PRKCH: variants seen among roughly 807,000 people sequenced by gnomAD.
The protein encoded by PRKCH is protein kinase C eta type.
PRKCH carries 28 observed loss-of-function variants against 82.5 expected under a neutral mutation model. The ratio of observed to expected loss-of-function variants is 0.34; its 90% CI spans 0.25 to 0.47. PRKCH has a LOEUF of 0.47. Among genes scored for constraint, PRKCH ranks in the 20% least tolerant of loss-of-function variants. PRKCH has a pLI of 1.00. For missense variants in PRKCH, 705 were observed against 881.8 expected (o/e 0.80, Z 2.54); for synonymous variants, 322 against 327.4 (o/e 0.98, Z 0.18).
intron 4 of PRKCH, among the ~76,000 whole-genome samples, chr14:61,446,043 T>A (rs1295104008): frequency 6.6e-6 from 1 of 152,224 alleles, no homozygotes; most frequent in African/African-American, 2.4e-5. Flanking sequence ...ATTTTGAAGA[T>A]AAACTTTTGT....
At chr14:61,296,749 T>C (rs902710377) in intron 1 of PRKCH, among the ~76,000 whole-genome samples, 1 of 152,202 alleles carries the variant, frequency 6.6e-6, no homozygotes, top group Non-Finnish European at 1.5e-5. Flanking sequence ...TCATCCAAGG[T>C]ATTTCTAATG....
intron 9 of PRKCH, among the ~76,000 whole-genome samples, chr14:61,472,919 A>G (rs1885567547): frequency 6.6e-6 from 1 of 152,246 alleles, no homozygotes; most frequent in Non-Finnish European, 1.5e-5. Flanking sequence ...GGATGAAGAC[A>G]CAAGAACAAA....
intron 12 of PRKCH, among the ~76,000 whole-genome samples, chr14:61,537,352 T>C (rs2043125267): frequency 6.6e-6 from 1 of 152,246 alleles, no homozygotes; most frequent in Non-Finnish European, 1.5e-5. Flanking sequence ...TGTTATTTCT[T>C]AATTTTTTTT....
chr14:61,272,265 TCA>T (rs2045161207), intron 1 of PRKCH, among the ~76,000 whole-genome samples: 2 of 149,314 alleles, frequency 1.3e-5, no homozygotes, highest in South Asian at 4.3e-4. Context: ...CCAAGGGAAA[TCA>T]CTTAGTGTGA....
chr14:61,329,254 T>TTTTTTTTTTTTTTTTTTTTG (rs1555375988), intron 1 of PRKCH, among the ~76,000 whole-genome samples: 1 of 122,440 alleles, frequency 8.2e-6, no homozygotes, highest in African/African-American at 3.2e-5. Flanking sequence ...TTTTTTTTTT[T>TTTTTTTTTTTTTTTTTTTTG]GAGACAGAAT....
At chr14:61,213,309 C>T (rs888658883) in intron 1 of PRKCH, among the ~76,000 whole-genome samples, 1 of 152,142 alleles carries the variant, frequency 6.6e-6, no homozygotes, top group Admixed American at 6.5e-5. Context: ...GGTGGATTAA[C>T]CCAATCACAT....
chr14:61,447,649 A>C (rs774066408), intron 4 of PRKCH, among the ~76,000 whole-genome samples: 2 of 152,224 alleles, frequency 1.3e-5, no homozygotes, highest in Non-Finnish European at 2.9e-5. Flanking sequence ...TAGCTGGAAA[A>C]TCCCCAAATA....
rs1461410389 is a variant in PRKCH, at chr14:61,256,121, G to A, written c.-19+68453G>A. On this transcript the variant is annotated intron_variant, in intron 1 of 3. Coordinates refer to the PRKCH transcript ENST00000555185. ...GTTTTTACTCATCGATTTAAATTTT[G>A]AGCATGTCGCAAATCACAGTTCCAT... Among the ~76,000 whole-genome samples the A allele has an allele frequency of 5.3e-5, 8 of 152,180 alleles. No homozygotes were observed. The South Asian group carries it at 1.7e-3, about 32-fold the overall frequency.
chr14:61,337,440 A>G (rs975654773), intron 1 of PRKCH, among the ~76,000 whole-genome samples: 4 of 152,188 alleles, frequency 2.6e-5, no homozygotes, highest in African/African-American at 9.7e-5. Context: ...TTACAGAGAT[A>G]GGATCTTACT....
chr14:61,361,889 G>A (rs1042444897), intron 1 of PRKCH, among the ~76,000 whole-genome samples: 4 of 152,144 alleles, frequency 2.6e-5, no homozygotes, highest in African/African-American at 7.2e-5. Context: ...TATCTACTTA[G>A]TGTTATCAAA....
At chr14:61,397,587 A>G (rs1386008175) in intron 2 of PRKCH, among the ~76,000 whole-genome samples, 1 of 152,240 alleles carries the variant, frequency 6.6e-6, no homozygotes, top group Non-Finnish European at 1.5e-5. Flanking sequence ...CAACCAAACT[A>G]TGCTGAAGGT....
At chr14:61,193,866 C>T (rs1376902526) in intron 1 of PRKCH, among the ~76,000 whole-genome samples, 1 of 152,192 alleles carries the variant, frequency 6.6e-6, no homozygotes, top group Non-Finnish European at 1.5e-5. Flanking sequence ...CACAAAGTAT[C>T]TTCTTTCTGT....
chr14:61,231,766 C>T (rs1398580292), intron 1 of PRKCH, among the ~76,000 whole-genome samples: 1 of 152,100 alleles, frequency 6.6e-6, no homozygotes, highest in Non-Finnish European at 1.5e-5. Flanking sequence ...GAGATCTTCT[C>T]TCCCCTCCTC....
chr14:61,485,509 T>A lies in PRKCH; in HGVS notation c.1286T>A (p.Leu429Gln). Residue 429 changes from leucine to glutamine, a missense_variant, in exon 10 of 14, where the codon CTG becomes CAG. By Grantham distance (113) the Leu-to-Gln change is moderately radical. Around this residue, in one of 5 missense-constraint regions of PRKCH, gnomAD observed 238 missense variants for 258.1 expected, o/e 0.92. Coordinates refer to ENST00000332981, the MANE Select transcript of PRKCH (RefSeq NM_006255.5). ...LFCCFQTPDR[L>Q]FFVMEFVNGG... is the part of the protein sequence containing the mutation. ...TCTTGTGTTTGTATCCAGGATCGTC[T>A]GTTTTTTGTGATGGAGTTTGTGAAT... 6.2e-7 allele frequency: 1 copy of A among 1,614,010 alleles called. No homozygotes were observed. Among genetic ancestry groups the A allele is most frequent in the South Asian group, 1.1e-5 (1 of 91,060 alleles).
intron 1 of PRKCH, among the ~76,000 whole-genome samples, chr14:61,344,653 T>C (rs2045969168): frequency 6.6e-6 from 1 of 151,826 alleles, no homozygotes; most frequent in Admixed American, 6.6e-5. Flanking sequence ...GACACTTGGG[T>C]CTGTAGTCAG....
chr14:61,429,385 C>T (rs1295354212), intron 2 of PRKCH, among the ~76,000 whole-genome samples: 1 of 152,224 alleles, frequency 6.6e-6, no homozygotes, highest in Non-Finnish European at 1.5e-5. Context: ...GGTGAAGCAA[C>T]ATTTATAAAT....
chr14:61,471,180 A>G (rs924728705), intron 9 of PRKCH, among the ~76,000 whole-genome samples: 5 of 152,272 alleles, frequency 3.3e-5, no homozygotes, highest in African/African-American at 9.6e-5. Flanking sequence ...CCAGTGGCCC[A>G]TGGACCTGCC....
Position 61,322,191 on chromosome 14 carries a change from C to T in PRKCH, c.90C>T (p.Arg30=). The part of the protein sequence containing the change: ...VGLQPTRWSL[R]HSLFKKGHQL... ...TGCAGCCCACCCGCTGGTCCCTGCG[C>T]CACTCGCTCTTCAAGAAGGGCCACC... The change falls in exon 1 of 14, where the codon CGC becomes CGT. Residue 30 remains arginine (R), a synonymous_variant. Transcript: ENST00000332981. 6.2e-7 allele frequency: 1 copy of T among 1,612,518 alleles called. No individual in the cohort carries two copies. Among genetic ancestry groups the T allele is most frequent in the Non-Finnish European group, 8.5e-7 (1 of 1,179,482 alleles).
intron 7 of PRKCH, among the ~76,000 whole-genome samples, chr14:61,456,644 G>C (rs148707453): frequency 4.3e-4 from 65 of 152,260 alleles, no homozygotes; most frequent in African/African-American, 1.5e-3. Context: ...GAGATTTTAG[G>C]TATTTAGATT....
Sources: allele counts gnomAD v4.1 joint callset (sites outside exome capture counted in the v4.1 genomes callset), GRCh38; gene constraint gnomAD v4.1.1; regional missense constraint gnomAD v4.1.1; transcripts MANE v1.5; gene names NCBI Gene and HGNC (gene_info 2026-07-23, HGNC 2026-07-21).